ALDH1L1: variants seen among roughly 807,000 people sequenced by gnomAD.
ALDH1L1 encodes the protein cytosolic 10-formyltetrahydrofolate dehydrogenase.
In ALDH1L1, 68 loss-of-function variants were observed where a neutral mutation model predicts 101.1. The ratio of observed to expected loss-of-function variants is 0.67; its 90% CI spans 0.55 to 0.82. The LOEUF (loss-of-function observed/expected upper bound fraction) is 0.82. Among genes scored for constraint, ALDH1L1 ranks in the 40% least tolerant of loss-of-function variants. The pLI is 0.00. For synonymous variants in ALDH1L1, 486 were observed against 470.8 expected (o/e 1.03, Z -0.42); for missense variants, 1,087 against 1,172.7 (o/e 0.93, Z 1.07).
Position 126,118,039 on chromosome 3 carries a change from C to A in ALDH1L1, c.1948G>T (p.Gly650Cys). 1.2e-6 allele frequency: 2 copies of A among 1,614,064 alleles called. No individual in the cohort carries two copies. The change falls in exon 17 of 23, where the codon GGC becomes TGC. Residue 650 changes from glycine (G) to cysteine (C), a missense_variant. By Grantham distance (159) the Gly-to-Cys change is radical. This residue lies in a region of ALDH1L1 where 442 missense variants were observed against 535.7 expected (regional missense o/e 0.83). Transcript: ENST00000393434. ...HPDVRKIGFT[G>C]STEVGKHIMK... Reference sequence around the variant, plus strand: ...ATGTGCTTGCCCACCTCTGTGGAGCCTGTGAACCCGATTTTCCTCACATCA... The same window carrying A: ...ATGTGCTTGCCCACCTCTGTGGAGCATGTGAACCCGATTTTCCTCACATCA...
chr3:126,133,873 C>G (rs1436399513), intron 12 of ALDH1L1, among the ~76,000 whole-genome samples: 1 of 152,216 alleles, frequency 6.6e-6, no homozygotes, highest in Non-Finnish European at 1.5e-5. Context: ...AGCTCCCCCA[C>G]GGTCTTTCCC....
Position 126,157,449 on chromosome 3 carries a change from A to G in ALDH1L1, c.422T>C (p.Leu141Pro). ...GFSIFWADDG[L>P]DTGDLLLQKE... is the part of the protein sequence containing the mutation. ...CTGCAGCAGCAGGTCTCCGGTGTCC[A>G]GACCATCATCCGCCCAGAAGATGGA... The change falls in exon 4 of 23, where the codon CTG becomes CCG. Residue 141 changes from leucine (L) to proline (P), a missense_variant. Around this residue, in one of 2 missense-constraint regions of ALDH1L1, gnomAD observed 645 missense variants for 637.0 expected, o/e 1.01. Coordinates refer to ENST00000393434, the MANE Select transcript of ALDH1L1 (RefSeq NM_012190.4). The G allele has an allele frequency of 6.2e-7, 1 of 1,614,174 alleles. No homozygotes were observed. Among genetic ancestry groups the G allele is most frequent in the Non-Finnish European group, 8.5e-7 (1 of 1,180,024 alleles).
chr3:126,179,498 T>A (rs2081429635), intron 1 of ALDH1L1, among the ~76,000 whole-genome samples: 3 of 151,622 alleles, frequency 2.0e-5, no homozygotes, highest in Admixed American at 6.6e-5. Flanking sequence ...AGACTCTGTC[T>A]CAAACAAACA....
chr3:126,143,852 G>A (rs1418128618), intron 9 of ALDH1L1, among the ~76,000 whole-genome samples: 1 of 152,184 alleles, frequency 6.6e-6, no homozygotes, highest in Non-Finnish European at 1.5e-5. Context: ...GCTGAGGCAG[G>A]AGGATCACTT....
At chr3:126,181,069 C>T, upstream of ALDH1L1, 1 of 1,496,020 alleles carries the variant, frequency 6.7e-7, no homozygotes, top group Non-Finnish European at 9.0e-7. Context: ...GGGTGGATAG[C>T]GGCGCTTCTG....
chr3:126,148,404 C>T (rs3845959), intron 8 of ALDH1L1, among the ~76,000 whole-genome samples: 80,912 of 152,062 alleles, frequency 0.53, 21,643 homozygotes, highest in East Asian at 0.59. Flanking sequence ...GCTCTTGGAG[C>T]GTTCTCCTGA....
Position 126,157,335 on chromosome 3 carries a change from G to T in ALDH1L1, c.528+8C>A, listed in dbSNP as rs775199705. On this transcript the variant is annotated splice_region_variant and intron_variant, in intron 4 of 22. Coordinates refer to ENST00000393434, the MANE Select transcript of ALDH1L1 (RefSeq NM_012190.4). ...GCGGGCAGGGCGCGGCCGGCTCCAG[G>T]TCCTCACCATCCCTTTGATGCCTTC... 1.6e-5 allele frequency: 26 copies of T among 1,606,578 alleles called. No homozygotes were observed.
chr3:126,194,019 A>G (rs1220150626), intron 1 of ALDH1L1, among the ~76,000 whole-genome samples: 3 of 152,190 alleles, frequency 2.0e-5, no homozygotes, highest in Non-Finnish European at 4.4e-5. Context: ...AAAAGACACC[A>G]TATTCTAGGA....
chr3:126,160,151 A>C (rs2081011228), intron 2 of ALDH1L1: 1 of 153,536 alleles, frequency 6.5e-6, no homozygotes. Flanking sequence ...AAGAGATGCC[A>C]GTATCTCCCA....
chr3:126,161,349 A>C (rs149612447), intron 1 of ALDH1L1, among the ~76,000 whole-genome samples: 472 of 152,342 alleles, frequency 3.1e-3, no homozygotes, highest in African/African-American at 0.011. Context: ...TCTGTAACTA[A>C]CCAGTTCTAT....
rs112510826 is a variant in ALDH1L1, at chr3:126,178,746, TTG to T, written c.-24+1728_-24+1729del. Among the ~76,000 whole-genome samples, 133 of 149,684 alleles carry T rather than the reference TTG, an allele frequency of 8.9e-4. 1 individual carries two copies. The highest frequency in any genetic ancestry group is 1.5e-3 in the African/African-American group (60 of 40,972). On this transcript the variant is annotated intron_variant, in intron 1 of 22. Transcript: ENST00000393434. ...CACGATAATTGTGTAAGGCTTAAGT[TTG>T]TGTGTGTGTGTGTGTGTGTCTGTGT...
At chr3:126,175,992 G>T (rs1194779725) in intron 1 of ALDH1L1, among the ~76,000 whole-genome samples, 3 of 152,136 alleles carry the variant, frequency 2.0e-5, no homozygotes, top group Non-Finnish European at 2.9e-5. Context: ...TGCCAAAGTT[G>T]CTGGATGTAA....
chr3:126,166,870 T>G (rs1332402248), intron 1 of ALDH1L1, among the ~76,000 whole-genome samples: 1 of 152,200 alleles, frequency 6.6e-6, no homozygotes, highest in Admixed American at 6.5e-5. Context: ...CTTTTGCCAC[T>G]GGGGAATTCA....
At chr3:126,181,381 G>A (rs940921484), upstream of ALDH1L1, 18 of 299,310 alleles carry the variant, frequency 6.0e-5, no homozygotes, top group South Asian at 3.8e-5. Flanking sequence ...TTCTTTTGAG[G>A]CGACCCTCTC....
rs145725373 is a variant in ALDH1L1, at chr3:126,110,085, C to A, written c.2206G>T (p.Val736Leu). The change falls in exon 20 of 23, where the codon GTG (valine) becomes TTG (leucine). Residue 736 changes from valine (V) to leucine (L), a missense_variant. Around this residue, in one of 2 missense-constraint regions of ALDH1L1, gnomAD observed 442 missense variants for 535.7 expected, o/e 0.83. Coordinates refer to ENST00000393434, the MANE Select transcript of ALDH1L1 (RefSeq NM_012190.4). ...RVVEEVRKMK[V>L]GNPLDRDTDH... Reference sequence around the variant, plus strand: ...GTGTCCCTGTCCAGCGGGTTGCCCACCTTCATCTTCCGCACCTCTTCTACC... The same window carrying A: ...GTGTCCCTGTCCAGCGGGTTGCCCAACTTCATCTTCCGCACCTCTTCTACC... 1.5e-5 allele frequency: 24 copies of A among 1,614,178 alleles called. No individual in the cohort carries two copies. The highest frequency in any genetic ancestry group is 2.0e-5 in the Non-Finnish European group (24 of 1,180,028).
intron 9 of ALDH1L1, among the ~76,000 whole-genome samples, chr3:126,140,427 T>G (rs373784407): frequency 6.6e-6 from 1 of 152,052 alleles, no homozygotes; most frequent in Non-Finnish European, 1.5e-5. Flanking sequence ...CAGGCTGAGA[T>G]AAAAGTACCA....
At chr3:126,158,113 G>A (rs1482485135) in intron 3 of ALDH1L1, among the ~76,000 whole-genome samples, 1 of 152,168 alleles carries the variant, frequency 6.6e-6, no homozygotes, top group African/African-American at 2.4e-5. Flanking sequence ...GCGCCTTCTG[G>A]TGCCCTCTCT....
At chr3:126,151,335 C>G (rs1054464176) in intron 7 of ALDH1L1, 16 of 152,132 alleles carry the variant, frequency 1.1e-4, no homozygotes, top group Admixed American at 6.5e-4. Flanking sequence ...AGGGTCTGGC[C>G]GGCCCTGCAG....
At chr3:126,107,305 T>C in intron 20 of ALDH1L1, 59 bp from the exon 21 acceptor site, 1 of 1,435,226 alleles carries the variant, frequency 7.0e-7, no homozygotes, top group Non-Finnish European at 9.8e-7. Context: ...TGGTCCAGCC[T>C]CTCCGTCAGC....
Sources: gnomAD v4.1 joint callset for allele counts (sites outside exome capture counted in the v4.1 genomes callset) on GRCh38, gnomAD v4.1.1 for gene constraint, gnomAD v4.1.1 regional missense constraint, MANE v1.5 for transcripts, NCBI Gene and HGNC (gene_info 2026-07-23, HGNC 2026-07-21) for gene names.